Variants in PAK5 observed in about 807,000 individuals in gnomAD.
The protein encoded by PAK5 is serine/threonine-protein kinase PAK 5.
PAK5 carries 16 observed loss-of-function variants against 65.9 expected under a neutral mutation model. The ratio of observed to expected loss-of-function variants is 0.24; its 90% CI spans 0.16 to 0.37. PAK5 has a LOEUF of 0.37. Ranked by LOEUF, PAK5 falls within the 10% of genes least tolerant of loss-of-function variation. The pLI, the probability that PAK5 is intolerant of heterozygous loss-of-function variation, is 1.00. For missense variants in PAK5, 785 were observed against 903.9 expected (o/e 0.87, Z 1.69); for synonymous variants, 371 against 354.9 (o/e 1.05, Z -0.51).
chr20:9,611,282 C>T (rs1400250974), intron 3 of PAK5, among the ~76,000 whole-genome samples: 2 of 152,182 alleles, frequency 1.3e-5, no homozygotes, highest in African/African-American at 4.8e-5. Context: ...AATGAACTCT[C>T]TACTCTCCTC....
intron 1 of PAK5, among the ~76,000 whole-genome samples, chr20:9,775,753 C>T (rs1028713684): frequency 6.6e-6 from 1 of 152,116 alleles, no homozygotes; most frequent in Non-Finnish European, 1.5e-5. Context: ...TTCTTTTAGA[C>T]AGAATAGTGA....
At chr20:9,794,625 T>G (rs1184784683) in intron 1 of PAK5, among the ~76,000 whole-genome samples, 23 of 152,098 alleles carry the variant, frequency 1.5e-4, no homozygotes, top group Admixed American at 1.5e-3. Context: ...ATCCAACATG[T>G]GACCTTGGGA....
rs558483707 is a variant in PAK5, at chr20:9,576,609, T to C, written c.990+3536A>G. On this transcript the variant is annotated intron_variant, in intron 4 of 9. Transcript: ENST00000353224. ...ACCTAGTTGTGAAATTAATTGCTAA[T>C]TAACTGCTAATGCAACTTCATTGCT... Among the ~76,000 whole-genome samples the C allele has an allele frequency of 7.9e-5, 12 of 152,344 alleles. No individual in the cohort carries two copies. The South Asian group carries it at 2.5e-3, about 32-fold the overall frequency.
At position 9,580,804 on chromosome 20, in the gene PAK5, C is replaced by T. The variant is rs1315267385; in HGVS notation, c.331G>A (p.Gly111Arg). 6.2e-7 allele frequency: 1 copy of T among 1,613,686 alleles called. No homozygotes were observed. The highest frequency in any genetic ancestry group is 8.5e-7 in the Non-Finnish European group (1 of 1,179,880). The change falls in exon 4 of 10, where the codon GGA becomes AGA. Residue 111 changes from glycine (G) to arginine (R), a missense_variant. Physicochemically the swap from Gly to Arg is moderately radical, Grantham distance 125 (BLOSUM62 -2). This residue lies in a region of PAK5 where 422 missense variants were observed against 413.3 expected (regional missense o/e 1.02). Transcript: ENST00000353224. ...TGGCCTGGACCGTGGCTGGAGGCTC[C>T]CTGATCTGGGGTGGGTGGGCTTTCT... ...RKESPPTPDQ[G>R]ASSHGPGHAE...
chr20:9,787,991 G>A (rs994808631), intron 1 of PAK5, among the ~76,000 whole-genome samples: 3 of 151,080 alleles, frequency 2.0e-5, no homozygotes, highest in Admixed American at 1.3e-4. Context: ...GTTGGGGGGG[G>A]TATGTGTGAG....
At chr20:9,829,048 C>T (rs1183581557) in intron 1 of PAK5, among the ~76,000 whole-genome samples, 1 of 152,174 alleles carries the variant, frequency 6.6e-6, no homozygotes, top group African/African-American at 2.4e-5. Context: ...TCATCAATGA[C>T]ACAATGGCAA....
chr20:9,645,245 C>G, intron 2 of PAK5, among the ~76,000 whole-genome samples: 1 of 152,180 alleles, frequency 6.6e-6, no homozygotes, highest in Non-Finnish European at 1.5e-5. Context: ...TGTACTTTAC[C>G]TGTTTGAAAC....
intron 2 of PAK5, among the ~76,000 whole-genome samples, chr20:9,678,998 A>G (rs776141012): frequency 3.3e-5 from 5 of 152,144 alleles, no homozygotes; most frequent in Non-Finnish European, 7.4e-5. Flanking sequence ...TTTGAACTGC[A>G]TGTGTTCACC....
chr20:9,629,761 G>C (rs2046898206), intron 3 of PAK5, among the ~76,000 whole-genome samples: 1 of 152,200 alleles, frequency 6.6e-6, no homozygotes. Flanking sequence ...AATGTATAAA[G>C]TTTGGGAGGG....
At chr20:9,558,088 G>A (rs568194468) in intron 6 of PAK5, among the ~76,000 whole-genome samples, 2 of 135,564 alleles carry the variant, frequency 1.5e-5, no homozygotes, top group African/African-American at 3.1e-5. Flanking sequence ...ATGGAGTCCC[G>A]CTCTGTCACC....
chr20:9,796,253 GAGA>G (rs2049103101), intron 1 of PAK5, among the ~76,000 whole-genome samples: 2 of 152,046 alleles, frequency 1.3e-5, no homozygotes, highest in Non-Finnish European at 2.9e-5. Context: ...CAATATGAGG[GAGA>G]AGAACAGAGG....
intron 1 of PAK5, among the ~76,000 whole-genome samples, chr20:9,832,683 TAA>T (rs1335036325): frequency 5.9e-5 from 9 of 152,240 alleles, no homozygotes; most frequent in Non-Finnish European, 5.9e-5. Context: ...TTGCCAGTAT[TAA>T]GTTTATTTTT....
intron 7 of PAK5, among the ~76,000 whole-genome samples, chr20:9,552,416 G>T (rs1339410375): frequency 6.6e-6 from 1 of 152,148 alleles, no homozygotes; most frequent in African/African-American, 2.4e-5. Context: ...TTCTGACTTA[G>T]CATCTACCTT....
At chr20:9,672,675 C>T (rs921619109) in intron 2 of PAK5, among the ~76,000 whole-genome samples, 2 of 152,040 alleles carry the variant, frequency 1.3e-5, no homozygotes, top group African/African-American at 4.8e-5. Context: ...CCCAGTCTCG[C>T]GTATGTCTTT....
intron 1 of PAK5, among the ~76,000 whole-genome samples, chr20:9,717,504 T>C (rs1791542992): frequency 6.6e-6 from 1 of 152,254 alleles, no homozygotes; most frequent in Non-Finnish European, 1.5e-5. Context: ...TGACCTGATA[T>C]CTGCGAATAA....
chr20:9,582,976 C>G (rs925584123), intron 3 of PAK5, among the ~76,000 whole-genome samples: 1 of 151,998 alleles, frequency 6.6e-6, no homozygotes, highest in African/African-American at 2.4e-5. Flanking sequence ...ACTTTCTGTC[C>G]CTACAAGAAG....
intron 2 of PAK5, among the ~76,000 whole-genome samples, chr20:9,710,131 G>C (rs951491359): frequency 6.6e-6 from 1 of 152,014 alleles, no homozygotes; most frequent in Non-Finnish European, 1.5e-5. Flanking sequence ...AAAAACTCTT[G>C]TTTCTCATCT....
chr20:9,615,592 C>T (rs376107074), intron 3 of PAK5, among the ~76,000 whole-genome samples: 45 of 152,344 alleles, frequency 3.0e-4, no homozygotes, highest in Admixed American at 1.2e-3. Context: ...ATAAGTCCTT[C>T]GTTGAAGAAG....
chr20:9,738,703 C>T (rs1262551227), intron 1 of PAK5, among the ~76,000 whole-genome samples: 1 of 152,214 alleles, frequency 6.6e-6, no homozygotes, highest in Middle Eastern at 3.4e-3. Flanking sequence ...TTTTAAAAGG[C>T]TGTAATAAAA....
Sources: gnomAD v4.1 joint callset for allele counts (sites outside exome capture counted in the v4.1 genomes callset) on GRCh38, gnomAD v4.1.1 for gene constraint, gnomAD v4.1.1 regional missense constraint, MANE v1.5 for transcripts, NCBI Gene and HGNC (gene_info 2026-07-23, HGNC 2026-07-21) for gene names.